The following ZNF317 variants were observed in gnomAD, a reference collection of about 807,000 sequenced individuals.
ZNF317 encodes the protein KRAB-containing zinc finger protein 317.
ZNF317 carries 17 observed loss-of-function variants against 23.4 expected under a neutral mutation model. That is an observed-to-expected ratio of 0.73 (90% CI 0.50 to 1.09). The LOEUF (loss-of-function observed/expected upper bound fraction) is 1.09. ZNF317 is among the 50% of genes least tolerant of loss of function. ZNF317 has a pLI of 0.00. For synonymous variants in ZNF317, 317 were observed against 314.9 expected (o/e 1.01, Z -0.07); for missense variants, 679 against 796.7 (o/e 0.85, Z 1.78).
rs184031148 is a variant in ZNF317 at position 9,160,234 on chromosome 19, C to G, written c.589C>G (p.Arg197Gly). ...CGCTGGCAAGAGGCCCTATCACCGC[C>G]GCGACTATGGGGTAGCGTTCAAGGG... ...RHAGKRPYHR[R>G]DYGVAFKGRP... Residue 197 changes from arginine (R) to glycine (G), a missense_variant, in exon 7 of 7, where the codon CGC (arginine) becomes GGC (glycine). Coordinates refer to ENST00000247956, the MANE Select transcript of ZNF317 (RefSeq NM_020933.5). The surrounding 1 kb of genome is among the most constrained non-coding windows in gnomAD (Gnocchi z 6.8). 6 of 1,614,132 alleles carry G rather than the reference C, an allele frequency of 3.7e-6. No homozygotes were observed. In the South Asian group the frequency reaches 4.4e-5, roughly 12 times the overall value.
intron 1 of ZNF317, among the ~76,000 whole-genome samples, chr19:9,143,705 G>C (rs1309177293): frequency 6.7e-6 from 1 of 150,134 alleles, no homozygotes; most frequent in African/African-American, 2.5e-5. Context: ...GAGAGCTCTG[G>C]TGGTGGCTTC....
At chr19:9,148,546 C>T (rs1001890941) in intron 1 of ZNF317, among the ~76,000 whole-genome samples, 1 of 139,852 alleles carries the variant, frequency 7.2e-6, no homozygotes, top group African/African-American at 2.9e-5. Context: ...TCCATAGGCC[C>T]CTCCTTTATG....
chr19:9,154,830 A>G (rs1002447454), intron 1 of ZNF317, among the ~76,000 whole-genome samples: 2 of 152,210 alleles, frequency 1.3e-5, no homozygotes, highest in African/African-American at 4.8e-5. Flanking sequence ...CACTCCTACC[A>G]TCAGGATATG....
At position 9,161,128 on chromosome 19, in the gene ZNF317, G is replaced by T; in HGVS notation, c.1483G>T (p.Val495Phe). 6.2e-7 allele frequency: 1 copy of T among 1,614,142 alleles called. No individual in the cohort carries two copies. The highest frequency in any genetic ancestry group is 1.3e-5 in the African/African-American group (1 of 75,054). ...TTTATCCCGGCGGAGGCACATGAGC[G>T]TTCACCTTGTAAAGAAACGAGTTGA... ...DYLSRRRHMS[V>F]HLVKKRVECR... The change falls in exon 7 of 7, where the codon GTT (valine) becomes TTT (phenylalanine). Residue 495 changes from valine (V) to phenylalanine (F), a missense_variant. Val to Phe is a conservative substitution (Grantham distance 50, BLOSUM62 -1). Coordinates refer to ENST00000247956, the MANE Select transcript of ZNF317 (RefSeq NM_020933.5). The surrounding 1 kb of genome is among the most constrained non-coding windows in gnomAD (Gnocchi z 4.0).
intron 5 of ZNF317, among the ~76,000 whole-genome samples, chr19:9,158,440 G>T (rs141813612): frequency 7.7e-6 from 1 of 130,066 alleles, no homozygotes; most frequent in Non-Finnish European, 1.5e-5. Flanking sequence ...GCATGATCTC[G>T]GCTCACTGCA....
chr19:9,160,991 ATC>A lies in ZNF317; in HGVS notation c.1350_1351del (p.Cys451ArgfsTer34). 1 of 1,614,144 alleles carries A rather than the reference ATC, an allele frequency of 6.2e-7. No homozygotes were observed. The highest frequency in any genetic ancestry group is 8.5e-7 in the Non-Finnish European group (1 of 1,180,016). On this transcript the variant is annotated frameshift_variant, in exon 7 of 7. Transcript: ENST00000247956. LOFTEE classifies it low-confidence loss of function (END_TRUNC). The surrounding 1 kb of genome is among the most constrained non-coding windows in gnomAD (Gnocchi z 6.8). ...ACTGGAGAGAAACCATACGGGTGCG[ATC>A]TCTGCGGGAAAGCTTTCAGCGCGAG...
intron 1 of ZNF317, among the ~76,000 whole-genome samples, chr19:9,155,220 C>T (rs1325509890): frequency 6.6e-6 from 1 of 151,922 alleles, no homozygotes; most frequent in Non-Finnish European, 1.5e-5. Flanking sequence ...TTTTTAGAGA[C>T]AGAATCTTAC....
chr19:9,144,743 CAT>C (rs1290075628), intron 1 of ZNF317, among the ~76,000 whole-genome samples: 10 of 152,274 alleles, frequency 6.6e-5, no homozygotes, highest in East Asian at 1.9e-4. Flanking sequence ...ATTATACTCA[CAT>C]GTTTATCACT....
In ZNF317 at chr19:9,158,844, A is replaced by G. The variant is rs2050816729; in HGVS notation, c.404A>G (p.Lys135Arg). 6.2e-7 allele frequency: 1 copy of G among 1,611,676 alleles called. No homozygotes were observed. Among genetic ancestry groups the G allele is most frequent in the Non-Finnish European group, 8.5e-7 (1 of 1,177,840 alleles). Residue 135 changes from lysine to arginine, a missense_variant, in exon 6 of 7, where the codon AAA becomes AGA. Coordinates refer to ENST00000247956, the MANE Select transcript of ZNF317 (RefSeq NM_020933.5). ...GTTTCAGATTGGGAGACTCCATCTAAAACCAAGTGGTCACTTCTTATGGAA... is the reference window on the plus strand; with the variant it reads ...GTTTCAGATTGGGAGACTCCATCTAGAACCAAGTGGTCACTTCTTATGGAA... ...GACADWETPSKTKWSLLMEDI... is the reference protein window; with the variant it reads ...GACADWETPSRTKWSLLMEDI...
chr19:9,156,646 C>T lies in ZNF317; in HGVS notation c.60C>T (p.Asp20=). The T allele has an allele frequency of 6.2e-7, 1 of 1,614,158 alleles. No homozygotes were observed. Among genetic ancestry groups the T allele is most frequent in the African/African-American group, 1.3e-5 (1 of 75,028 alleles). The change falls in exon 3 of 7, where the codon GAC becomes GAT. Residue 20 remains aspartate, a synonymous_variant. Coordinates refer to ENST00000247956, the MANE Select transcript of ZNF317 (RefSeq NM_020933.5). ...TSTQDSTCLQ[D]SEFPVSSKDH... is the part of the protein sequence containing the mutation. The stretch of plus-strand genomic sequence containing the variant: ...CCCAGGATTCCACCTGTCTCCAGGA[C>T]TCAGAATTTCCTGTTTCTTCAAAAG...
Position 9,143,983 on chromosome 19 carries a change from T to TTTTCTTTC in ZNF317, c.-93+3415_-93+3422dup, listed in dbSNP as rs150533419. ...TTATTTCCATTCTTATTGTACTCTT[T>TTTTCTTTC]TTTCTTTCTTTCTTTCTTTCTTTCT... On this transcript the variant is annotated intron_variant, in intron 1 of 6. Coordinates refer to ENST00000247956, the MANE Select transcript of ZNF317 (RefSeq NM_020933.5). Among the ~76,000 whole-genome samples, 31 of 140,386 alleles carry TTTTCTTTC rather than the reference T, an allele frequency of 2.2e-4. No homozygotes were observed. The South Asian group carries it at 4.4e-3, about 20-fold the overall frequency. The allele number at this position is 140,386 out of a possible 152,430, so 92.1% of individuals were successfully genotyped here. A position where few individuals can be genotyped will look rare whatever the true frequency, so the allele number is the denominator to read the frequency against.
In ZNF317 at chr19:9,160,237, G is replaced by C; in HGVS notation, c.592G>C (p.Asp198His). 2 of 1,614,152 alleles carry C rather than the reference G, an allele frequency of 1.2e-6. No homozygotes were observed. The highest frequency in any genetic ancestry group is 1.7e-6 in the Non-Finnish European group (2 of 1,180,022). ...TGGCAAGAGGCCCTATCACCGCCGC[G>C]ACTATGGGGTAGCGTTCAAGGGCAG... Reference protein sequence around the residue: ...HAGKRPYHRRDYGVAFKGRPH... With the variant: ...HAGKRPYHRRHYGVAFKGRPH... Residue 198 changes from aspartate to histidine, a missense_variant, in exon 7 of 7, where the codon GAC becomes CAC. Coordinates refer to ENST00000247956, the MANE Select transcript of ZNF317 (RefSeq NM_020933.5). This position sits in a 1 kb window ranked among gnomAD's most constrained non-coding sequence, Gnocchi z 6.8.
At chr19:9,154,245 G>T in intron 1 of ZNF317, among the ~76,000 whole-genome samples, 1 of 152,078 alleles carries the variant, frequency 6.6e-6, no homozygotes, top group East Asian at 1.9e-4. Flanking sequence ...TTTAAGCAGG[G>T]TTTAATATAT....
intron 1 of ZNF317, among the ~76,000 whole-genome samples, chr19:9,141,122 C>T (rs1339381372): frequency 6.6e-6 from 1 of 152,090 alleles, no homozygotes; most frequent in Non-Finnish European, 1.5e-5. Flanking sequence ...TTCAGTTCAA[C>T]ATTTTGTTAA....
chr19:9,151,530 G>A (rs574999699), intron 1 of ZNF317, among the ~76,000 whole-genome samples: 10 of 152,076 alleles, frequency 6.6e-5, no homozygotes, highest in African/African-American at 1.9e-4. Flanking sequence ...TGAGAGTCGC[G>A]GTGGAAGCCA....
At position 9,162,865 on chromosome 19, in the gene ZNF317, G is replaced by A. The variant is rs1452487039; in HGVS notation, c.*1432G>A. 1.3e-5 allele frequency: 2 copies of A among 152,074 alleles called. No homozygotes were observed. The highest frequency in any genetic ancestry group is 4.8e-5 in the African/African-American group (2 of 41,414). The allele number at this position is 152,074 out of a possible 1,614,324, so 9.4% of individuals were successfully genotyped here. On this transcript the variant is annotated 3_prime_UTR_variant, in exon 7 of 7. Coordinates refer to ENST00000247956, the MANE Select transcript of ZNF317 (RefSeq NM_020933.5). ...TTTGTTACTGGTACCTGATGCACAC[G>A]GATTGCGACCAGAGCATGATGCCTC...
chr19:9,163,085 C>T lies in ZNF317; in HGVS notation c.*1652C>T, dbSNP rs998519280. On this transcript the variant is annotated 3_prime_UTR_variant, in exon 7 of 7. Coordinates refer to ENST00000247956, the MANE Select transcript of ZNF317 (RefSeq NM_020933.5). The stretch of plus-strand genomic sequence containing the variant: ...CTTGCAGCTGGTACCATCCATGTCT[C>T]ACAGCCCTGGCCACTGACAGATCAG... The T allele has an allele frequency of 3.3e-5, 5 of 152,238 alleles. No individual in the cohort carries two copies. The East Asian group carries it at 9.6e-4, about 29-fold the overall frequency. The allele number at this position is 152,238 out of a possible 1,614,324, so 9.4% of individuals were successfully genotyped here.
At chr19:9,158,754 C>A in intron 5 of ZNF317, 72 bp from the exon 6 acceptor site, 1 of 1,002,802 alleles carries the variant, frequency 1.0e-6, no homozygotes, top group Non-Finnish European at 1.6e-6. Flanking sequence ...GCCAAGAAAT[C>A]CACCTGTCAT....
Position 9,155,018 on chromosome 19 carries a change from G to A in ZNF317, c.-92-907G>A, listed in dbSNP as rs575654867. ...TTAATTAAAGTCTTTTACCCTTTTTGTTGGGTTGATTTTCTTTCTTTCTTT... is the reference window on the plus strand; with the variant it reads ...TTAATTAAAGTCTTTTACCCTTTTTATTGGGTTGATTTTCTTTCTTTCTTT... On this transcript the variant is annotated intron_variant, in intron 1 of 6. Coordinates refer to ENST00000247956, the MANE Select transcript of ZNF317 (RefSeq NM_020933.5). Among the ~76,000 whole-genome samples the A allele has an allele frequency of 2.6e-5, 4 of 152,016 alleles. No individual in the cohort carries two copies. The East Asian group carries it at 7.7e-4, about 29-fold the overall frequency.
Sources: allele counts gnomAD v4.1 joint callset (sites outside exome capture counted in the v4.1 genomes callset), GRCh38; gene constraint gnomAD v4.1.1; non-coding constraint Gnocchi (gnomAD v3.1); transcripts MANE v1.5; gene names NCBI Gene and HGNC (gene_info 2026-07-23, HGNC 2026-07-21).